NRG2: variants seen among roughly 807,000 people sequenced by gnomAD.
The protein encoded by NRG2 is neuregulin 2.
Under a neutral mutation model 73.9 loss-of-function variants are expected in NRG2, and 27 were observed. The observed-to-expected ratio is 0.37, with a 90% confidence interval of 0.27 to 0.50. The LOEUF is 0.50. NRG2 is among the 20% of genes least tolerant of loss of function. NRG2 has a pLI of 0.96. For missense variants in NRG2, 1,126 were observed against 1,210.1 expected, an observed-to-expected ratio of 0.93 and a Z score of 1.03; for synonymous variants, 532 against 541.0, an observed-to-expected ratio of 0.98 and a Z score of 0.23.
intron 1 of NRG2, among the ~76,000 whole-genome samples, chr5:140,001,699 CAAA>C (rs71574478): frequency 6.8e-5 from 9 of 133,110 alleles, no homozygotes; most frequent in Admixed American, 7.5e-5. Context: ...CTATCTCCAC[CAAA>C]AAAAAAAAAA....
At position 139,847,947 on chromosome 5, in the gene NRG2, C is replaced by G. The variant is rs373462739; in HGVS notation, c.2523G>C (p.Pro841=). The change falls in exon 10 of 10, where the codon CCG becomes CCC. Residue 841 remains proline, a synonymous_variant. Transcript: ENST00000361474. ...GTGGCGCCGAGTCCTGCTTGGCCCG[C>G]GGGGGCGGCCCGCGGCTGTGTCTGC... ...ASSRHSRGPP[P]RAKQDSAPL 4.0e-6 allele frequency: 6 copies of G among 1,502,920 alleles called. No individual in the cohort carries two copies. Among genetic ancestry groups the G allele is most frequent in the Non-Finnish European group, 5.3e-6 (6 of 1,131,284 alleles). The allele number at this position is 1,502,920 out of a possible 1,614,324, so 93.1% of individuals were successfully genotyped here.
At chr5:139,942,611 AGAGC>A (rs769404645) in intron 1 of NRG2, among the ~76,000 whole-genome samples, 2 of 152,254 alleles carry the variant, frequency 1.3e-5, no homozygotes, top group Non-Finnish European at 2.9e-5. Flanking sequence ...CAACTCATCC[AGAGC>A]CTAGGAAAAC....
At chr5:139,873,496 G>C (rs1180653370) in intron 3 of NRG2, among the ~76,000 whole-genome samples, 1 of 152,278 alleles carries the variant, frequency 6.6e-6, no homozygotes, top group Non-Finnish European at 1.5e-5. Context: ...GAGAGAGAAG[G>C]CAGCGAAGTG....
At position 140,008,480 on chromosome 5, in the gene NRG2, T is replaced by G. The variant is rs964426557; in HGVS notation, c.700+33890A>C. Among the ~76,000 whole-genome samples the G allele has an allele frequency of 1.8e-4, 28 of 152,210 alleles. No homozygotes were observed. The highest frequency in any genetic ancestry group is 6.8e-4 in the African/African-American group (28 of 41,452). On this transcript the variant is annotated intron_variant, in intron 1 of 9. Coordinates refer to ENST00000361474, the MANE Select transcript of NRG2 (RefSeq NM_004883.3). This position sits in a 1 kb window ranked among gnomAD's most constrained non-coding sequence, Gnocchi z 4.2. ...GGTCTAGTCCTATTATAGGCCCACT[T>G]CTGGGATTGCTTAGAGATCCCTTAC...
intron 1 of NRG2, among the ~76,000 whole-genome samples, chr5:139,957,099 T>C (rs774944585): frequency 2.0e-5 from 3 of 151,978 alleles, no homozygotes; most frequent in Non-Finnish European, 4.4e-5. Context: ...CATCCTCAAC[T>C]CTCCCAGCTG....
chr5:139,903,047 A>T (rs141622065), intron 1 of NRG2, among the ~76,000 whole-genome samples: 1 of 152,220 alleles, frequency 6.6e-6, no homozygotes, highest in Non-Finnish European at 1.5e-5. Context: ...GAGACCTCAG[A>T]GCCTTGCTAC....
At chr5:139,897,996 G>A (rs559504720) in intron 1 of NRG2, among the ~76,000 whole-genome samples, 38 of 152,338 alleles carry the variant, frequency 2.5e-4, no homozygotes, top group African/African-American at 9.1e-4. Context: ...ACATACAGGG[G>A]TGAAATAGCT....
At chr5:140,003,440 T>C (rs761893702) in intron 1 of NRG2, among the ~76,000 whole-genome samples, 13 of 152,172 alleles carry the variant, frequency 8.5e-5, no homozygotes, top group African/African-American at 2.9e-4. Context: ...GTAGGAGGAT[T>C]AGAGTCAGAG....
At chr5:139,854,166 C>G (rs1015190737) in intron 6 of NRG2, among the ~76,000 whole-genome samples, 4 of 152,254 alleles carry the variant, frequency 2.6e-5, no homozygotes, top group Admixed American at 6.5e-5. Flanking sequence ...CCACCCAGCA[C>G]CCCAGCTAGC....
At chr5:140,037,621 T>C (rs932209867) in intron 1 of NRG2, among the ~76,000 whole-genome samples, 1 of 152,144 alleles carries the variant, frequency 6.6e-6, no homozygotes, top group Non-Finnish European at 1.5e-5. Flanking sequence ...AATTTAAGAC[T>C]ACTTTGGGCC....
chr5:139,938,966 AGGAAGGAAGGGAAGGAAGG>A (rs1323500713), intron 1 of NRG2, among the ~76,000 whole-genome samples: 4 of 146,256 alleles, frequency 2.7e-5, no homozygotes, highest in Non-Finnish European at 3.0e-5. Flanking sequence ...AGAAAAAAGA[AGGAAGGAAGGGAAGGAAGG>A]AAAGGAAGGA....
intron 3 of NRG2, among the ~76,000 whole-genome samples, chr5:139,876,761 C>G (rs1396430590): frequency 6.6e-6 from 1 of 152,054 alleles, no homozygotes; most frequent in Non-Finnish European, 1.5e-5. Context: ...AATTGCCTAC[C>G]TTCCTCTCAG....
In NRG2 at chr5:139,927,629, T is replaced by C. The variant is rs1752155546; in HGVS notation, c.701-40118A>G. Among the ~76,000 whole-genome samples, 6 of 152,082 alleles carry C rather than the reference T, an allele frequency of 3.9e-5. No individual in the cohort carries two copies. In the South Asian group the frequency reaches 1.0e-3, roughly 26 times the overall value. ...AAATACAAAAATTAGGTGGGCATGG[T>C]GGTGCATGCCTATAATCCCAGCTAC... is the stretch of plus-strand genomic sequence containing the variant. On this transcript the variant is annotated intron_variant, in intron 1 of 9. Transcript: ENST00000361474.
chr5:139,909,492 A>C lies in NRG2; in HGVS notation c.701-21981T>G, dbSNP rs553793682. ...TGGCCTCAGATTAGGGAGAGCCTTA[A>C]GCAGTTCCTTGAACCCACTCTCTCC... On this transcript the variant is annotated intron_variant, in intron 1 of 9. Transcript: ENST00000361474. Among the ~76,000 whole-genome samples the C allele has an allele frequency of 5.9e-5, 9 of 152,296 alleles. No individual in the cohort carries two copies. In the East Asian group the frequency reaches 1.7e-3, roughly 29 times the overall value.
chr5:139,896,904 C>T (rs980644630), intron 1 of NRG2, among the ~76,000 whole-genome samples: 3 of 152,158 alleles, frequency 2.0e-5, no homozygotes, highest in Non-Finnish European at 4.4e-5. Context: ...AGAGAAAGGC[C>T]GCCCACCTTC....
chr5:139,920,961 G>A (rs1751615690), intron 1 of NRG2, among the ~76,000 whole-genome samples: 1 of 152,178 alleles, frequency 6.6e-6, no homozygotes, highest in Non-Finnish European at 1.5e-5. Context: ...TTAGCAATGA[G>A]TGAGTGAAAT....
chr5:140,012,377 C>T (rs1759431275), intron 1 of NRG2, among the ~76,000 whole-genome samples: 1 of 152,208 alleles, frequency 6.6e-6, no homozygotes, highest in Admixed American at 6.5e-5. Context: ...GCAGGGCACA[C>T]ATCTGTCATT....
intron 1 of NRG2, among the ~76,000 whole-genome samples, chr5:140,014,403 A>C (rs963320413): frequency 9.9e-5 from 15 of 151,646 alleles, no homozygotes; most frequent in Non-Finnish European, 7.4e-5. Flanking sequence ...TGCCCAGATA[A>C]TTTTTGTATG....
intron 1 of NRG2, among the ~76,000 whole-genome samples, chr5:140,003,793 A>C (rs1030933589): frequency 6.6e-6 from 1 of 152,228 alleles, no homozygotes; most frequent in Non-Finnish European, 1.5e-5. Context: ...TAATTCAAAA[A>C]ACAGCAAGAC....
Sources: gnomAD v4.1 joint callset for allele counts (sites outside exome capture counted in the v4.1 genomes callset) on GRCh38, gnomAD v4.1.1 for gene constraint, Gnocchi (gnomAD v3.1) non-coding constraint, MANE v1.5 for transcripts, NCBI Gene and HGNC (gene_info 2026-07-23, HGNC 2026-07-21) for gene names.